Variants in CTNND2 observed in about 807,000 individuals in gnomAD.
CTNND2 encodes catenin delta-2.
Under a neutral mutation model 144.4 loss-of-function variants are expected in CTNND2, and 22 were observed. That is an observed-to-expected ratio of 0.15 (90% CI 0.11 to 0.22). The LOEUF (loss-of-function observed/expected upper bound fraction) is 0.22. CTNND2 is among the 10% of genes least tolerant of loss of function. The probability of loss-of-function intolerance (pLI) is 1.00; values close to 1 mark genes in which losing one functional copy is unlikely to be tolerated. For missense variants in CTNND2, 1,353 were observed against 1,618.8 expected (o/e 0.84, Z 2.82); for synonymous variants, 751 against 695.6 (o/e 1.08, Z -1.25).
At chr5:11,179,439 C>T (rs778452501) in intron 11 of CTNND2, among the ~76,000 whole-genome samples, 6 of 152,102 alleles carry the variant, frequency 3.9e-5, no homozygotes, top group Non-Finnish European at 5.9e-5. Context: ...ATATTTATCT[C>T]GAACTCCTGA....
intron 3 of CTNND2, among the ~76,000 whole-genome samples, chr5:11,517,325 C>G (rs1265174826): frequency 6.6e-6 from 1 of 152,016 alleles, no homozygotes; most frequent in African/African-American, 2.4e-5. Flanking sequence ...AATATCTGTC[C>G]CCAACAAAAT....
chr5:11,274,724 T>C (rs557580296), intron 9 of CTNND2, among the ~76,000 whole-genome samples: 1 of 152,212 alleles, frequency 6.6e-6, no homozygotes, highest in African/African-American at 2.4e-5. Context: ...TATTATAGTT[T>C]ATTTTTGCTT....
intron 2 of CTNND2, among the ~76,000 whole-genome samples, chr5:11,719,823 C>T (rs1406532731): frequency 7.2e-6 from 1 of 138,554 alleles, no homozygotes; most frequent in East Asian, 2.1e-4. Flanking sequence ...TTGTGGGTAG[C>T]TCTGACATAT....
At chr5:11,379,208 G>A (rs1183248737) in intron 7 of CTNND2, among the ~76,000 whole-genome samples, 7 of 152,276 alleles carry the variant, frequency 4.6e-5, no homozygotes, top group South Asian at 2.1e-4. Flanking sequence ...ATAGGATGTC[G>A]ACAGCTTTTT....
At chr5:11,344,007 G>T (rs1401272680) in intron 9 of CTNND2, among the ~76,000 whole-genome samples, 1 of 152,180 alleles carries the variant, frequency 6.6e-6, no homozygotes, top group Non-Finnish European at 1.5e-5. Flanking sequence ...ATTCACCTAT[G>T]AGGAATCAAA....
At chr5:11,588,169 G>C (rs894804628) in intron 2 of CTNND2, among the ~76,000 whole-genome samples, 1 of 152,118 alleles carries the variant, frequency 6.6e-6, no homozygotes. Flanking sequence ...CTGCCAAAAA[G>C]AGAAAGCTAT....
At chr5:11,092,321 C>T (rs1750855130) in intron 15 of CTNND2, among the ~76,000 whole-genome samples, 2 of 152,198 alleles carry the variant, frequency 1.3e-5, no homozygotes, top group Admixed American at 1.3e-4. Context: ...GCTGTTTCTA[C>T]AACTTTAAAG....
chr5:11,214,547 T>A (rs1246119394), intron 10 of CTNND2, among the ~76,000 whole-genome samples: 3 of 152,166 alleles, frequency 2.0e-5, no homozygotes, highest in Admixed American at 6.5e-5. Context: ...TTCTACATTC[T>A]GCACACACAG....
chr5:11,530,311 C>T (rs1274855772), intron 3 of CTNND2, among the ~76,000 whole-genome samples: 2 of 152,042 alleles, frequency 1.3e-5, no homozygotes, highest in Non-Finnish European at 2.9e-5. Context: ...AATCCTGCCT[C>T]GATAACCATC....
intron 9 of CTNND2, among the ~76,000 whole-genome samples, chr5:11,287,514 T>A (rs1281458000): frequency 6.6e-6 from 1 of 152,222 alleles, no homozygotes; most frequent in African/African-American, 2.4e-5. Context: ...GTAATACAGA[T>A]GCCAAAGGTG....
chr5:11,173,155 C>A (rs1473186981), intron 11 of CTNND2, among the ~76,000 whole-genome samples: 2 of 152,254 alleles, frequency 1.3e-5, no homozygotes, highest in Non-Finnish European at 2.9e-5. Flanking sequence ...ACATGCCGAA[C>A]TTCCCGGGTA....
intron 2 of CTNND2, among the ~76,000 whole-genome samples, chr5:11,566,369 G>A (rs1561565385): frequency 6.6e-6 from 1 of 152,140 alleles, no homozygotes; most frequent in Admixed American, 6.5e-5. Flanking sequence ...TCGGCTGAAT[G>A]TATTTTATGC....
At chr5:11,272,239 C>T (rs1306003856) in intron 9 of CTNND2, among the ~76,000 whole-genome samples, 1 of 152,102 alleles carries the variant, frequency 6.6e-6, no homozygotes, top group Non-Finnish European at 1.5e-5. Flanking sequence ...CATCTGATCG[C>T]TCACCATCTA....
At chr5:11,264,009 C>G (rs1469722786) in intron 9 of CTNND2, among the ~76,000 whole-genome samples, 1 of 152,150 alleles carries the variant, frequency 6.6e-6, no homozygotes, top group Admixed American at 6.5e-5. Flanking sequence ...CGTTCACCTT[C>G]GAATCAACTA....
At chr5:11,521,849 C>A (rs1772753116) in intron 3 of CTNND2, among the ~76,000 whole-genome samples, 1 of 152,286 alleles carries the variant, frequency 6.6e-6, no homozygotes, top group Admixed American at 6.5e-5. Context: ...GAGAGCTTTG[C>A]ATTCTATTAC....
intron 3 of CTNND2, among the ~76,000 whole-genome samples, chr5:11,443,916 T>C (rs1369718616): frequency 2.0e-5 from 3 of 152,216 alleles, no homozygotes; most frequent in Non-Finnish European, 2.9e-5. Flanking sequence ...TTCCACTTAA[T>C]CCTTTTATTT....
At chr5:11,548,108 GCA>G (rs1775412320) in intron 3 of CTNND2, among the ~76,000 whole-genome samples, 1 of 152,154 alleles carries the variant, frequency 6.6e-6, no homozygotes, top group South Asian at 2.1e-4. Flanking sequence ...GGGCAAATCT[GCA>G]CAGAGTGCAG....
intron 3 of CTNND2, among the ~76,000 whole-genome samples, chr5:11,450,598 A>C (rs895342875): frequency 6.6e-6 from 1 of 152,112 alleles, no homozygotes; most frequent in South Asian, 2.1e-4. Flanking sequence ...GACTGATTTC[A>C]ATCTTAAAAA....
intron 10 of CTNND2, among the ~76,000 whole-genome samples, chr5:11,233,230 A>AT (rs1444947091): frequency 1.3e-5 from 2 of 152,140 alleles, no homozygotes; most frequent in African/African-American, 4.8e-5. Flanking sequence ...AGGGATGAGG[A>AT]TTTTATCTGC....
Sources: gnomAD v4.1 joint callset for allele counts (sites outside exome capture counted in the v4.1 genomes callset) on GRCh38, gnomAD v4.1.1 for gene constraint, MANE v1.5 for transcripts, NCBI Gene and HGNC (gene_info 2026-07-23, HGNC 2026-07-21) for gene names.